Variants in PLCD3 observed in about 807,000 individuals in gnomAD.
PLCD3 encodes the protein 1-phosphatidylinositol 4,5-bisphosphate phosphodiesterase delta-3.
In PLCD3, 62 loss-of-function variants were observed where a neutral mutation model predicts 82.8. The ratio of observed to expected loss-of-function variants is 0.75; its 90% CI spans 0.61 to 0.93. The LOEUF is 0.93. Ranked by LOEUF, PLCD3 falls within the 40% of genes least tolerant of loss-of-function variation. The probability of loss-of-function intolerance (pLI) is 0.00; values close to 1 mark genes in which losing one functional copy is unlikely to be tolerated. For synonymous variants in PLCD3, 478 were observed against 471.8 expected, an observed-to-expected ratio of 1.01 and a Z score of -0.17; for missense variants, 1,023 against 1,103.4, an observed-to-expected ratio of 0.93 and a Z score of 1.03.
rs917934938 is a variant in PLCD3 at position 45,132,419 on chromosome 17, G to T, written c.-9C>A. Reference sequence around the variant, plus strand: ...CAGCGGCCGCACAGCATGGCTTGGCGGGGGGCCGGGGCCGGGCCCGGGGTC... The same window carrying T: ...CAGCGGCCGCACAGCATGGCTTGGCTGGGGGCCGGGGCCGGGCCCGGGGTC... On this transcript the variant is annotated 5_prime_UTR_variant, in exon 1 of 15. Coordinates refer to ENST00000619929, the MANE Select transcript of PLCD3 (RefSeq NM_133373.5). This position sits in a 1 kb window ranked among gnomAD's most constrained non-coding sequence, Gnocchi z 4.6. The T allele has an allele frequency of 5.0e-6, 6 of 1,208,440 alleles. No homozygotes were observed. The highest frequency in any genetic ancestry group is 3.4e-5 in the East Asian group (1 of 29,388). 74.9% of individuals were successfully genotyped at this position (1,208,440 alleles called of 1,614,324 possible).
rs372798041 is a variant in PLCD3, at chr17:45,121,337, G to A, written c.199C>T (p.Arg67Trp). 2.5e-4 allele frequency: 389 copies of A among 1,548,206 alleles called. 2 individuals carry two copies. The African/African-American group carries it at 4.9e-3, about 20-fold the overall frequency. ...TEDEDVRAML[R>W]GSRLRKIRSR... ...CGGATCTTGCGGAGCCGGGAGCCCCGCAGCATGGCGCGCACGTCCTCGTCC... is the reference window on the plus strand; with the variant it reads ...CGGATCTTGCGGAGCCGGGAGCCCCACAGCATGGCGCGCACGTCCTCGTCC... The change falls in exon 2 of 15, where the codon CGG (arginine) becomes TGG (tryptophan). Residue 67 changes from arginine to tryptophan, a missense_variant. Coordinates refer to ENST00000619929, the MANE Select transcript of PLCD3 (RefSeq NM_133373.5).
intron 1 of PLCD3, among the ~76,000 whole-genome samples, chr17:45,131,794 G>A (rs986629555): frequency 4.6e-5 from 7 of 152,244 alleles, no homozygotes; most frequent in Non-Finnish European, 7.3e-5. Context: ...CCTCTGTGGG[G>A]CCGCGGCTTG....
intron 7 of PLCD3, among the ~76,000 whole-genome samples, 162 bp from the exon 8 acceptor site, chr17:45,116,946 T>C (rs917665291): frequency 6.6e-6 from 1 of 152,024 alleles, no homozygotes; most frequent in Non-Finnish European, 1.5e-5. Flanking sequence ...GCTGCAGGAA[T>C]TATTTTTTTT....
chr17:45,109,122 G>A lies in PLCD3; in HGVS notation c.*3494C>T, dbSNP rs529311631. ...AGGGCTTGGACACAAAGTCCCTCAA[G>A]CCCACAGCACCAGGCCAGCTTCCAA... On this transcript the variant is annotated 3_prime_UTR_variant, in exon 15 of 15. Coordinates refer to ENST00000619929, the MANE Select transcript of PLCD3 (RefSeq NM_133373.5). 6.6e-6 allele frequency: 1 copy of A among 152,648 alleles called. No individual in the cohort carries two copies. Among genetic ancestry groups the A allele is most frequent in the African/African-American group, 2.4e-5 (1 of 41,592 alleles). The allele number at this position is 152,648 out of a possible 1,614,324, so 9.5% of individuals were successfully genotyped here. A position where few individuals can be genotyped will look rare whatever the true frequency, so the allele number is the denominator to read the frequency against.
At chr17:45,126,895 A>G (rs1256112973) in intron 1 of PLCD3, among the ~76,000 whole-genome samples, 2 of 152,232 alleles carry the variant, frequency 1.3e-5, no homozygotes, top group East Asian at 3.9e-4. Flanking sequence ...CCTGGCCTCA[A>G]GTGATTCAAC....
intron 1 of PLCD3, among the ~76,000 whole-genome samples, chr17:45,121,760 TG>T (rs1292947592): frequency 2.0e-5 from 3 of 151,896 alleles, no homozygotes; most frequent in Non-Finnish European, 4.4e-5. Flanking sequence ...GAGGCCGAGG[TG>T]GGTGGATCAC....
chr17:45,123,185 C>T (rs1477619927), intron 1 of PLCD3, among the ~76,000 whole-genome samples: 1 of 152,076 alleles, frequency 6.6e-6, no homozygotes, highest in Non-Finnish European at 1.5e-5. Flanking sequence ...GGACCATCTC[C>T]TCTCACCCTC....
intron 7 of PLCD3, 133 bp downstream of exon 7, chr17:45,117,861 G>A (rs1233872870): frequency 8.0e-7 from 1 of 1,250,524 alleles, no homozygotes; most frequent in East Asian, 2.5e-5. Flanking sequence ...ACTTATCCCA[G>A]CAGCACTTGG....
Position 45,112,552 on chromosome 17 carries a change from G to A in PLCD3, c.*64C>T. ...CTCCCACCACCTGACTCCAGAGGAG[G>A]AGAGGGCTCTGCAGGGGATGTGGAC... On this transcript the variant is annotated 3_prime_UTR_variant, in exon 15 of 15. Transcript: ENST00000619929. The A allele has an allele frequency of 6.8e-7, 1 of 1,478,008 alleles. No homozygotes were observed. Among genetic ancestry groups the A allele is most frequent in the South Asian group, 1.2e-5 (1 of 82,488 alleles). The allele number at this position is 1,478,008 out of a possible 1,614,324, so 91.6% of individuals were successfully genotyped here. A position where few individuals can be genotyped will look rare whatever the true frequency, so the allele number is the denominator to read the frequency against.
chr17:45,125,537 A>G (rs2054375047), intron 1 of PLCD3, among the ~76,000 whole-genome samples: 1 of 152,266 alleles, frequency 6.6e-6, no homozygotes, highest in African/African-American at 2.4e-5. Flanking sequence ...CAGAGGTTGC[A>G]GCGAGCTGAG....
In PLCD3 at chr17:45,112,936, C is replaced by T. The variant is rs771881582; in HGVS notation, c.2208G>A (p.Val736=). The part of the protein sequence containing the change: ...APELALVRFV[V]EDYDATSPND... ...TGGGGGAGGTGGCGTCATAATCTTCCACCACAAACCGGACCAGTGCCAGCT... is the reference window on the plus strand; with the variant it reads ...TGGGGGAGGTGGCGTCATAATCTTCTACCACAAACCGGACCAGTGCCAGCT... Residue 736 remains valine (V), a synonymous_variant, in exon 14 of 15, where the codon GTG becomes GTA. Coordinates refer to ENST00000619929, the MANE Select transcript of PLCD3 (RefSeq NM_133373.5). 2.0e-5 allele frequency: 33 copies of T among 1,612,878 alleles called. No homozygotes were observed. Among genetic ancestry groups the T allele is most frequent in the Non-Finnish European group, 2.8e-5 (33 of 1,179,438 alleles).
chr17:45,114,239 C>A lies in PLCD3; in HGVS notation c.1828+11G>T. Reference sequence around the variant, plus strand: ...ACCCCGCCTGCTCTCATTCCTGTGGCCCCCACTTACCCAGCTGACAGCCCG... The same window carrying A: ...ACCCCGCCTGCTCTCATTCCTGTGGACCCCACTTACCCAGCTGACAGCCCG... On this transcript the variant is annotated intron_variant, in intron 11 of 14. Coordinates refer to ENST00000619929, the MANE Select transcript of PLCD3 (RefSeq NM_133373.5). 6.6e-7 allele frequency: 1 copy of A among 1,521,354 alleles called. No homozygotes were observed. Among genetic ancestry groups the A allele is most frequent in the African/African-American group, 1.4e-5 (1 of 71,516 alleles). The allele number at this position is 1,521,354 out of a possible 1,614,324, so 94.2% of individuals were successfully genotyped here.
chr17:45,115,195 G>A lies in PLCD3; in HGVS notation c.1610C>T (p.Ala537Val). 6.3e-7 allele frequency: 1 copy of A among 1,582,798 alleles called. No homozygotes were observed. The highest frequency in any genetic ancestry group is 8.6e-7 in the Non-Finnish European group (1 of 1,163,942). The change falls in exon 10 of 15, where the codon GCC becomes GTC. Residue 537 changes from alanine to valine, a missense_variant. Physicochemically the swap from Ala to Val is moderately conservative, Grantham distance 64. Coordinates refer to ENST00000619929, the MANE Select transcript of PLCD3 (RefSeq NM_133373.5). ...AGGGTGCAGGGTCCGCAGGCGGGTG[G>A]CGTGGCAGTACACAGCCAGGGCCGA... ...ELSALAVYCH[A>V]TRLRTLHPAP...
rs370324482 is a variant in PLCD3 at position 45,109,123 on chromosome 17, C to A, written c.*3493G>T. The A allele has an allele frequency of 5.2e-5, 8 of 152,668 alleles. No individual in the cohort carries two copies. The highest frequency in any genetic ancestry group is 1.9e-4 in the African/African-American group (8 of 41,588). 9.5% of individuals were successfully genotyped at this position (152,668 alleles called of 1,614,324 possible). ...GGGCTTGGACACAAAGTCCCTCAAG[C>A]CCACAGCACCAGGCCAGCTTCCAAA... On this transcript the variant is annotated 3_prime_UTR_variant, in exon 15 of 15. Transcript: ENST00000619929.
intron 3 of PLCD3, 39 bp downstream of exon 3, chr17:45,120,863 C>G: frequency 7.1e-7 from 1 of 1,412,954 alleles, no homozygotes; most frequent in Non-Finnish European, 9.2e-7. Context: ...TTAGGGCTCT[C>G]CAAGGATGGG....
At chr17:45,125,273 A>G (rs2054372909) in intron 1 of PLCD3, among the ~76,000 whole-genome samples, 1 of 150,766 alleles carries the variant, frequency 6.6e-6, no homozygotes, top group Non-Finnish European at 1.5e-5. Context: ...GACCAGCCTA[A>G]CCAACATGGT....
At position 45,121,227 on chromosome 17, in the gene PLCD3, C is replaced by T. The variant is rs1401906164; in HGVS notation, c.309G>A (p.Ala103=). The T allele has an allele frequency of 4.4e-6, 7 of 1,588,648 alleles. No individual in the cohort carries two copies. The highest frequency in any genetic ancestry group is 6.0e-6 in the Non-Finnish European group (7 of 1,175,624). Residue 103 remains alanine, a synonymous_variant, in exon 2 of 15, where the codon GCG becomes GCA. Transcript: ENST00000619929. The part of the protein sequence containing the change: ...SVWFQRRIPR[A]PSQHIFFVQH... ...GCCTCTCACAGATGTGCTGCGATGGCGCACGCGGGATGCGCCGCTGGAACC... is the reference window on the plus strand; with the variant it reads ...GCCTCTCACAGATGTGCTGCGATGGTGCACGCGGGATGCGCCGCTGGAACC...
chr17:45,123,825 G>T, intron 1 of PLCD3, among the ~76,000 whole-genome samples: 1 of 152,192 alleles, frequency 6.6e-6, no homozygotes, highest in East Asian at 1.9e-4. Flanking sequence ...GTCCCTCAGG[G>T]TCTAGACTGT....
At chr17:45,126,246 C>A (rs1418210164) in intron 1 of PLCD3, among the ~76,000 whole-genome samples, 2 of 151,846 alleles carry the variant, frequency 1.3e-5, no homozygotes, top group Non-Finnish European at 2.9e-5. Flanking sequence ...CGGGGTTTCA[C>A]CGTGTTAGCC....
Sources: allele counts gnomAD v4.1 joint callset (sites outside exome capture counted in the v4.1 genomes callset), GRCh38; gene constraint gnomAD v4.1.1; non-coding constraint Gnocchi (gnomAD v3.1); transcripts MANE v1.5; gene names NCBI Gene and HGNC (gene_info 2026-07-23, HGNC 2026-07-21).